TAF3: variants seen among roughly 807,000 people sequenced by gnomAD.
TAF3 encodes TATA-box binding protein associated factor 3.
Under a neutral mutation model 80.6 loss-of-function variants are expected in TAF3, and 7 were observed. The observed-to-expected ratio is 0.09, with a 90% CI of 0.05 to 0.16. The LOEUF is 0.16. TAF3 is among the 10% of genes least tolerant of loss of function. The probability of loss-of-function intolerance (pLI) is 1.00; values close to 1 mark genes in which losing one functional copy is unlikely to be tolerated. For missense variants in TAF3, 921 were observed against 1,140.2 expected (o/e 0.81, Z 2.77); for synonymous variants, 444 against 446.1 (o/e 1.00, Z 0.06).
At chr10:7,961,389 A>G (rs191554458) in intron 2 of TAF3, among the ~76,000 whole-genome samples, 3 of 152,298 alleles carry the variant, frequency 2.0e-5, no homozygotes, top group Admixed American at 2.0e-4. Flanking sequence ...CCATCTGTGC[A>G]TCCTTCATGC....
chr10:7,846,280 A>T (rs1405240111), intron 2 of TAF3, among the ~76,000 whole-genome samples: 8 of 152,216 alleles, frequency 5.3e-5, no homozygotes, highest in Admixed American at 3.3e-4. Context: ...TTTTAAAAAT[A>T]GTTTTTGATA....
intron 2 of TAF3, among the ~76,000 whole-genome samples, chr10:7,872,213 A>ATTTTT (rs34945620): frequency 0.013 from 1,539 of 121,824 alleles, 31 homozygotes; most frequent in African/African-American, 0.034. Flanking sequence ...TGTTGGGTTG[A>ATTTTT]TTTTTTTTTT....
chr10:7,907,785 G>A (rs1458812721), intron 2 of TAF3, among the ~76,000 whole-genome samples: 1 of 152,216 alleles, frequency 6.6e-6, no homozygotes, highest in African/African-American at 2.4e-5. Flanking sequence ...GCCATGAAAG[G>A]TGTTTGGTGA....
intron 2 of TAF3, among the ~76,000 whole-genome samples, chr10:7,914,776 C>T (rs1288658615): frequency 5.9e-5 from 9 of 152,028 alleles, no homozygotes; most frequent in Non-Finnish European, 1.2e-4. Flanking sequence ...ATAGTAGTTT[C>T]TTTAGTGGTT....
intron 2 of TAF3, among the ~76,000 whole-genome samples, chr10:7,864,302 T>C (rs531416376): frequency 6.6e-6 from 1 of 152,346 alleles, no homozygotes; most frequent in African/African-American, 2.4e-5. Flanking sequence ...TTTTACTTTT[T>C]TCAGAAATTA....
chr10:7,887,828 A>G (rs1412346928), intron 2 of TAF3, among the ~76,000 whole-genome samples: 1 of 152,098 alleles, frequency 6.6e-6, no homozygotes, highest in Non-Finnish European at 1.5e-5. Context: ...TTAAAAAAAA[A>G]AACACCAAAA....
chr10:7,853,315 A>T (rs1837047128), intron 2 of TAF3, among the ~76,000 whole-genome samples: 1 of 151,970 alleles, frequency 6.6e-6, no homozygotes, highest in African/African-American at 2.4e-5. Flanking sequence ...ACACCTCCCA[A>T]CTCCACATGT....
chr10:7,834,865 C>T (rs1836836057), intron 2 of TAF3, among the ~76,000 whole-genome samples: 1 of 152,058 alleles, frequency 6.6e-6, no homozygotes, highest in African/African-American at 2.4e-5. Context: ...TTTCATTTTA[C>T]CGTGTGTATC....
intron 3 of TAF3, among the ~76,000 whole-genome samples, chr10:7,976,884 G>T (rs1438625935): frequency 6.6e-6 from 1 of 152,034 alleles, no homozygotes; most frequent in Admixed American, 6.6e-5. Context: ...AGACATCATC[G>T]CAGTTTTTTC....
chr10:8,006,098 G>C (rs1177204385), intron 4 of TAF3, among the ~76,000 whole-genome samples: 1 of 152,110 alleles, frequency 6.6e-6, no homozygotes, highest in African/African-American at 2.4e-5. Context: ...GGGAGGCTGA[G>C]GTGGGCAGAT....
intron 4 of TAF3, among the ~76,000 whole-genome samples, chr10:8,005,487 A>T (rs1421153544): frequency 6.6e-6 from 1 of 152,266 alleles, no homozygotes; most frequent in African/African-American, 2.4e-5. Flanking sequence ...TTATGGGTAT[A>T]GCCCATTGGG....
intron 2 of TAF3, among the ~76,000 whole-genome samples, chr10:7,963,401 G>T (rs186629449): frequency 2.8e-4 from 43 of 152,306 alleles, no homozygotes; most frequent in African/African-American, 8.7e-4. Context: ...CAGATCCTGA[G>T]GTTAGGGCCA....
chr10:7,969,618 T>C (rs1258905526), intron 3 of TAF3, among the ~76,000 whole-genome samples: 1 of 152,228 alleles, frequency 6.6e-6, no homozygotes, highest in Non-Finnish European at 1.5e-5. Context: ...AAATTTATGT[T>C]AGTGGAACTG....
chr10:7,986,398 G>C (rs550350422), intron 4 of TAF3, among the ~76,000 whole-genome samples: 1 of 152,156 alleles, frequency 6.6e-6, no homozygotes, highest in African/African-American at 2.4e-5. Flanking sequence ...CTTCTTTTTC[G>C]TATATGTTGG....
chr10:7,819,449 G>C (rs188403870), intron 1 of TAF3, among the ~76,000 whole-genome samples: 3 of 152,314 alleles, frequency 2.0e-5, no homozygotes, highest in African/African-American at 7.2e-5. Context: ...GACTTTGTCA[G>C]TTTCGCTGAT....
At chr10:7,966,395 A>G (rs535449883) in intron 3 of TAF3, among the ~76,000 whole-genome samples, 1 of 152,212 alleles carries the variant, frequency 6.6e-6, no homozygotes. Flanking sequence ...TGACCATCTC[A>G]GTAAGTCAGA....
intron 4 of TAF3, among the ~76,000 whole-genome samples, chr10:8,000,778 C>T (rs1469795584): frequency 2.0e-5 from 3 of 152,090 alleles, no homozygotes; most frequent in Non-Finnish European, 2.9e-5. Context: ...GACCCTGCCT[C>T]AAATAATAAA....
Position 7,964,328 on chromosome 10 carries a change from A to C in TAF3, c.818A>C (p.Lys273Thr). 6.2e-7 allele frequency: 1 copy of C among 1,614,188 alleles called. No homozygotes were observed. The highest frequency in any genetic ancestry group is 1.7e-5 in the Admixed American group (1 of 60,018). ...ACAAAGTCATTTACACCTAAAACAA[A>C]GACTAAAACTAGCTCTCCAGGACAG... The part of the protein sequence containing the change: ...LETKSFTPKT[K>T]TKTSSPGQKT... Residue 273 changes from lysine to threonine, a missense_variant, in exon 3 of 7, where the codon AAG becomes ACG. Lys to Thr is a moderately conservative substitution (Grantham distance 78). Transcript: ENST00000344293. The surrounding 1 kb of genome is among the most constrained non-coding windows in gnomAD (Gnocchi z 4.1).
intron 2 of TAF3, among the ~76,000 whole-genome samples, chr10:7,913,935 G>A (rs1212417675): frequency 1.3e-5 from 2 of 152,158 alleles, no homozygotes; most frequent in African/African-American, 2.4e-5. Flanking sequence ...TTCTGCCAAA[G>A]CAATGACCTG....
Sources: allele counts gnomAD v4.1 joint callset (sites outside exome capture counted in the v4.1 genomes callset), GRCh38; gene constraint gnomAD v4.1.1; non-coding constraint Gnocchi (gnomAD v3.1); transcripts MANE v1.5; gene names NCBI Gene and HGNC (gene_info 2026-07-23, HGNC 2026-07-21).